MEGF11: variants seen among roughly 807,000 people sequenced by gnomAD.
MEGF11 encodes multiple epidermal growth factor-like domains protein 11.
In MEGF11, 126 loss-of-function variants were observed where a neutral mutation model predicts 146.6. The ratio of observed to expected loss-of-function variants is 0.86; its 90% CI spans 0.74 to 1.00. MEGF11 has a LOEUF of 1.00. Among genes scored for constraint, MEGF11 ranks in the 50% least tolerant of loss-of-function variants. MEGF11 has a pLI of 0.00. For missense variants in MEGF11, 1,509 were observed against 1,521.2 expected, an observed-to-expected ratio of 0.99 and a Z score of 0.13; for synonymous variants, 532 against 583.4, an observed-to-expected ratio of 0.91 and a Z score of 1.27.
intron 4 of MEGF11, among the ~76,000 whole-genome samples, chr15:66,117,158 T>A (rs1299789659): frequency 6.6e-6 from 1 of 152,070 alleles, no homozygotes; most frequent in African/African-American, 2.4e-5. Flanking sequence ...GGGAAGATGA[T>A]GAAGATAAAG....
At position 65,940,640 on chromosome 15, in the gene MEGF11, A is replaced by G. The variant is rs577086628; in HGVS notation, c.1288-9697T>C. ...GGGGAAAAGAAAGTCTGCATAAGGT[A>G]TGAGGAACAGAGAGCCACAGGGATG... is the stretch of plus-strand genomic sequence containing the variant. On this transcript the variant is annotated intron_variant, in intron 10 of 25. Coordinates refer to ENST00000395614, the MANE Select transcript of MEGF11 (RefSeq NM_001385028.1). Among the ~76,000 whole-genome samples the G allele has an allele frequency of 4.7e-4, 71 of 152,376 alleles. No individual in the cohort carries two copies. The South Asian group carries it at 0.013, about 28-fold the overall frequency.
intron 4 of MEGF11, among the ~76,000 whole-genome samples, chr15:66,106,096 C>T (rs72744424): frequency 2.0e-5 from 3 of 152,322 alleles, no homozygotes; most frequent in Non-Finnish European, 4.4e-5. Context: ...CTTCCCCACC[C>T]CATCAGGAGC....
chr15:65,916,802 C>T (rs1312277617), intron 17 of MEGF11, 26 bp downstream of exon 17: 1 of 1,609,772 alleles, frequency 6.2e-7, no homozygotes, highest in South Asian at 1.1e-5. Flanking sequence ...TTCTAAGTGG[C>T]TGGGAGGCCA....
intron 5 of MEGF11, among the ~76,000 whole-genome samples, chr15:66,077,949 A>G (rs1398968247): frequency 6.6e-6 from 1 of 152,182 alleles, no homozygotes; most frequent in Non-Finnish European, 1.5e-5. Context: ...GGCCAAGGAG[A>G]TGAGCACTTC....
chr15:66,241,076 G>A (rs1005523756), intron 1 of MEGF11, among the ~76,000 whole-genome samples: 1 of 152,218 alleles, frequency 6.6e-6, no homozygotes, highest in African/African-American at 2.4e-5. Flanking sequence ...GCAGGCAATA[G>A]GCACAAGTTG....
chr15:66,220,763 C>G (rs1233069357), intron 1 of MEGF11, among the ~76,000 whole-genome samples: 1 of 152,078 alleles, frequency 6.6e-6, no homozygotes, highest in South Asian at 2.1e-4. Flanking sequence ...TCTCAAACTT[C>G]TGGGCTCAAG....
intron 1 of MEGF11, among the ~76,000 whole-genome samples, chr15:66,152,110 C>T (rs544462563): frequency 6.6e-5 from 10 of 152,318 alleles, no homozygotes; most frequent in South Asian, 2.1e-4. Context: ...CCTTGCCCAC[C>T]TGCTCTTCCA....
At chr15:66,196,782 G>A (rs914621348) in intron 1 of MEGF11, among the ~76,000 whole-genome samples, 12 of 152,200 alleles carry the variant, frequency 7.9e-5, no homozygotes, top group Admixed American at 1.3e-4. Flanking sequence ...AAAGGAAATG[G>A]TTAAGGGGGA....
intron 4 of MEGF11, among the ~76,000 whole-genome samples, chr15:66,099,646 T>C (rs2086703962): frequency 6.6e-6 from 1 of 152,230 alleles, no homozygotes; most frequent in Non-Finnish European, 1.5e-5. Context: ...ACTTGGTTAT[T>C]GCACAGAGTA....
At chr15:66,181,868 T>A (rs2141154204) in intron 1 of MEGF11, among the ~76,000 whole-genome samples, 1 of 152,316 alleles carries the variant, frequency 6.6e-6, no homozygotes, top group Admixed American at 6.5e-5. Flanking sequence ...TCCTGTGAGT[T>A]CCATGAATAC....
At chr15:66,037,660 C>T (rs2083777394) in intron 5 of MEGF11, among the ~76,000 whole-genome samples, 1 of 152,208 alleles carries the variant, frequency 6.6e-6, no homozygotes, top group African/African-American at 2.4e-5. Context: ...ATTGGGGCAG[C>T]TCTCTTCCAT....
intron 4 of MEGF11, among the ~76,000 whole-genome samples, chr15:66,113,430 CG>C (rs374400967): frequency 1.2e-4 from 19 of 152,078 alleles, no homozygotes; most frequent in African/African-American, 4.1e-4. Context: ...GTTCATTTGC[CG>C]GGGGGAAACT....
rs764939912 is a variant in MEGF11, at chr15:65,964,982, C to G, written c.1038G>C (p.Glu346Asp). 2 of 1,568,634 alleles carry G rather than the reference C, an allele frequency of 1.3e-6. No homozygotes were observed. Among genetic ancestry groups the G allele is most frequent in the Non-Finnish European group, 1.7e-6 (2 of 1,157,148 alleles). ...CATGCAGGCCCTCCGGGCACAGTCG[C>G]TCCTGGCAGCGTGGGCCCTTGTAGC... ...EPGYKGPRCQ[E>D]RLCPEGLHGP... is the part of the protein sequence containing the mutation. Residue 346 changes from glutamate (E) to aspartate (D), a missense_variant, in exon 9 of 26, where the codon GAG (glutamate) becomes GAC (aspartate). Transcript: ENST00000395614.
chr15:66,110,167 C>T (rs989887252), intron 4 of MEGF11, among the ~76,000 whole-genome samples: 2 of 152,184 alleles, frequency 1.3e-5, no homozygotes, highest in Non-Finnish European at 2.9e-5. Context: ...TCCAGACAGA[C>T]CACCAGGCAT....
intron 1 of MEGF11, among the ~76,000 whole-genome samples, chr15:66,207,521 T>C (rs3903011): frequency 0.072 from 10,925 of 152,306 alleles, 571 homozygotes; most frequent in African/African-American, 0.14. Context: ...AACTCATTAC[T>C]AGCAAATCTT....
chr15:65,954,472 T>G (rs1415050099), intron 10 of MEGF11, among the ~76,000 whole-genome samples: 1 of 152,130 alleles, frequency 6.6e-6, no homozygotes, highest in Non-Finnish European at 1.5e-5. Flanking sequence ...AACAATGAAC[T>G]GTTCTGTAAT....
intron 1 of MEGF11, among the ~76,000 whole-genome samples, chr15:66,252,526 G>A (rs1408235854): frequency 2.6e-5 from 4 of 152,132 alleles, no homozygotes; most frequent in Non-Finnish European, 4.4e-5. Context: ...CACCGATCCC[G>A]AGACGCGGCT....
At chr15:66,000,214 T>A (rs1436514269) in intron 5 of MEGF11, among the ~76,000 whole-genome samples, 1 of 152,078 alleles carries the variant, frequency 6.6e-6, no homozygotes, top group Non-Finnish European at 1.5e-5. Flanking sequence ...GCCTCTGGTG[T>A]GTAAAGGTGA....
chr15:66,090,579 A>G (rs1191552373), intron 5 of MEGF11, among the ~76,000 whole-genome samples: 1 of 152,246 alleles, frequency 6.6e-6, no homozygotes, highest in Non-Finnish European at 1.5e-5. Context: ...CATATGTCAC[A>G]CACAACATAC....
Sources: gnomAD v4.1 joint callset for allele counts (sites outside exome capture counted in the v4.1 genomes callset) on GRCh38, gnomAD v4.1.1 for gene constraint, MANE v1.5 for transcripts, NCBI Gene and HGNC (gene_info 2026-07-23, HGNC 2026-07-21) for gene names.